ARHGAP44: variants seen among roughly 807,000 people sequenced by gnomAD.
ARHGAP44 encodes rho GTPase-activating protein 44.
ARHGAP44 carries 43 observed loss-of-function variants against 106.8 expected under a neutral mutation model. That is an observed-to-expected ratio of 0.40 (90% confidence interval 0.32 to 0.52). The LOEUF (loss-of-function observed/expected upper bound fraction) is 0.52, where lower values mean the gene tolerates loss of function less well. Ranked by LOEUF, ARHGAP44 falls within the 20% of genes least tolerant of loss-of-function variation. The probability of loss-of-function intolerance (pLI) is 0.48; values close to 1 mark genes in which losing one functional copy is unlikely to be tolerated. For synonymous variants in ARHGAP44, 439 were observed against 410.3 expected, an observed-to-expected ratio of 1.07 and a Z score of -0.85; for missense variants, 866 against 1,050.5, an observed-to-expected ratio of 0.82 and a Z score of 2.43.
intron 1 of ARHGAP44, among the ~76,000 whole-genome samples, chr17:12,860,297 A>G (rs1018756680): frequency 1.3e-5 from 2 of 152,212 alleles, no homozygotes; most frequent in African/African-American, 4.8e-5. Context: ...AGAATTCCTT[A>G]TAAGGTCAAC....
At chr17:12,889,620 A>G (rs971715237) in intron 1 of ARHGAP44, among the ~76,000 whole-genome samples, 5 of 152,168 alleles carry the variant, frequency 3.3e-5, no homozygotes, top group East Asian at 1.9e-4. Context: ...CTGACCCCCA[A>G]AATTCATGTC....
Position 12,947,888 on chromosome 17 carries a change from A to T in ARHGAP44, c.862-1252A>T, listed in dbSNP as rs181881838. Among the ~76,000 whole-genome samples, 17 of 152,322 alleles carry T rather than the reference A, an allele frequency of 1.1e-4. No individual in the cohort carries two copies. In the East Asian group the frequency reaches 3.3e-3, roughly 29 times the overall value. ...CATATATGCCCAAAGAGCTTTGCAC[A>T]TGTGTGTATCTGATGTACCCTATAT... On this transcript the variant is annotated intron_variant, in intron 10 of 20. Coordinates refer to ENST00000379672, the MANE Select transcript of ARHGAP44 (RefSeq NM_014859.6).
At position 12,940,336 on chromosome 17, in the gene ARHGAP44, G is replaced by A. The variant is rs8068230; in HGVS notation, c.583-720G>A. 7.8e-3 allele frequency among the ~76,000 whole-genome samples: 1,186 copies of A among 152,326 alleles called. 18 individuals are homozygous for A. Among genetic ancestry groups the A allele is most frequent in the African/African-American group, 0.027 (1,120 of 41,582 alleles). ...ACAGAGTCTACATTCTGCTCAAAATGTACTTCTATTATGCCAGGCTATGAG... is the reference window on the plus strand; with the variant it reads ...ACAGAGTCTACATTCTGCTCAAAATATACTTCTATTATGCCAGGCTATGAG... On this transcript the variant is annotated intron_variant, in intron 7 of 20. Transcript: ENST00000379672.
In ARHGAP44 at chr17:12,984,526, T is replaced by G; in HGVS notation, c.1940-5T>G. On this transcript the variant is annotated splice_polypyrimidine_tract_variant and splice_region_variant and intron_variant, in intron 19 of 20. Coordinates refer to ENST00000379672, the MANE Select transcript of ARHGAP44 (RefSeq NM_014859.6). ...TTTGTTGTTGTGTTGTGTTTTCTCT[T>G]TCAGTTTCAAAGAAGCTGGCACCGA... The G allele has an allele frequency of 6.6e-7, 1 of 1,513,612 alleles. No individual in the cohort carries two copies. The highest frequency in any genetic ancestry group is 8.8e-7 in the Non-Finnish European group (1 of 1,135,800). 93.8% of individuals were successfully genotyped at this position (1,513,612 alleles called of 1,614,324 possible).
chr17:12,872,827 G>A (rs1597976805), intron 1 of ARHGAP44, among the ~76,000 whole-genome samples: 1 of 151,694 alleles, frequency 6.6e-6, no homozygotes, highest in South Asian at 2.1e-4. Context: ...CTTTTTTCAG[G>A]AACTTCAATC....
At chr17:12,814,862 A>G (rs191527508) in intron 1 of ARHGAP44, among the ~76,000 whole-genome samples, 1 of 152,196 alleles carries the variant, frequency 6.6e-6, no homozygotes, top group South Asian at 2.1e-4. Flanking sequence ...AAAAACCCCC[A>G]AAAAAGCAAA....
Position 12,952,722 on chromosome 17 carries a change from C to CT in ARHGAP44, c.1136+170dup, listed in dbSNP as rs201371135. On this transcript the variant is annotated intron_variant, in intron 13 of 20. Transcript: ENST00000379672. ...AAGGTATTATTAACATGCATGGTCT[C>CT]TTTTTTTTTTTTTTTTTTTTTTTTT... The CT allele has an allele frequency of 9.5e-3, 2,914 of 306,974 alleles. 98 individuals are homozygous for CT. Among genetic ancestry groups the CT allele is most frequent in the African/African-American group, 0.014 (551 of 38,104 alleles). The allele number at this position is 306,974 out of a possible 1,614,324, so 19.0% of individuals were successfully genotyped here. A position where few individuals can be genotyped will look rare whatever the true frequency, so the allele number is the denominator to read the frequency against.
intron 8 of ARHGAP44, among the ~76,000 whole-genome samples, chr17:12,943,243 C>G (rs191789958): frequency 2.3e-3 from 354 of 152,296 alleles, no homozygotes; most frequent in African/African-American, 7.8e-3. Flanking sequence ...TCCATTTCCA[C>G]TTGCTACAGT....
chr17:12,865,774 G>T (rs1314102174), intron 1 of ARHGAP44, among the ~76,000 whole-genome samples: 1 of 145,106 alleles, frequency 6.9e-6, no homozygotes, highest in Non-Finnish European at 1.5e-5. Context: ...GGGCAACAGA[G>T]CGAGACTCAT....
intron 1 of ARHGAP44, among the ~76,000 whole-genome samples, chr17:12,843,651 CTTTTTTTTTT>C (rs146749216): frequency 2.1e-5 from 2 of 97,124 alleles, no homozygotes; most frequent in Admixed American, 1.1e-4. Context: ...GTATTGGTTA[CTTTTTTTTTT>C]TTTTTTTTTT....
chr17:12,976,895 C>T (rs532945475), intron 18 of ARHGAP44, among the ~76,000 whole-genome samples: 7 of 152,230 alleles, frequency 4.6e-5, no homozygotes, highest in Admixed American at 2.0e-4. Context: ...GACCCACAGG[C>T]GGGAGATGGG....
intron 1 of ARHGAP44, among the ~76,000 whole-genome samples, chr17:12,816,428 A>G (rs550790711): frequency 1.3e-5 from 2 of 152,336 alleles, no homozygotes; most frequent in East Asian, 1.9e-4. Flanking sequence ...GAGGAATTAT[A>G]TTAGGGTAGG....
chr17:12,927,335 G>A (rs2038276903), intron 6 of ARHGAP44, among the ~76,000 whole-genome samples: 1 of 152,128 alleles, frequency 6.6e-6, no homozygotes. Flanking sequence ...TCCATTTCTT[G>A]TATTATAGAG....
chr17:12,800,812 C>T lies in ARHGAP44; in HGVS notation c.53+10921C>T, dbSNP rs541078529. On this transcript the variant is annotated intron_variant, in intron 1 of 20. Coordinates refer to ENST00000379672, the MANE Select transcript of ARHGAP44 (RefSeq NM_014859.6). ...TGAACCAGGGCCTAAGTAGGTCAGTCGTAGGCAAATGCCTCTCCTGCTTCT... is the reference window on the plus strand; with the variant it reads ...TGAACCAGGGCCTAAGTAGGTCAGTTGTAGGCAAATGCCTCTCCTGCTTCT... Among the ~76,000 whole-genome samples the T allele has an allele frequency of 3.3e-5, 5 of 152,310 alleles. No individual in the cohort carries two copies. In the South Asian group the frequency reaches 6.2e-4, roughly 19 times the overall value.
rs548368343 is a variant in ARHGAP44 at position 12,958,262 on chromosome 17, T to A, written c.1343-455T>A. Among the ~76,000 whole-genome samples the A allele has an allele frequency of 1.5e-4, 23 of 152,336 alleles. No homozygotes were observed. Among genetic ancestry groups the A allele is most frequent in the Admixed American group, 3.9e-4 (6 of 15,302 alleles). On this transcript the variant is annotated intron_variant, in intron 15 of 20. Transcript: ENST00000379672. This position sits in a 1 kb window ranked among gnomAD's most constrained non-coding sequence, Gnocchi z 4.1. ...TCTCTATGGTTTTCCAGAAAGGCAG[T>A]GTCATCATCTATAAATATTAATATT...
intron 7 of ARHGAP44, among the ~76,000 whole-genome samples, chr17:12,936,088 CAA>C (rs2038539360): frequency 6.6e-6 from 1 of 152,106 alleles, no homozygotes; most frequent in Non-Finnish European, 1.5e-5. Context: ...AAGTGGAATA[CAA>C]AGAGGCCTCC....
At chr17:12,839,566 A>G (rs1308485783) in intron 1 of ARHGAP44, among the ~76,000 whole-genome samples, 2 of 152,056 alleles carry the variant, frequency 1.3e-5, no homozygotes, top group East Asian at 1.9e-4. Context: ...ACTTGCTGGG[A>G]ATTATTTGTA....
chr17:12,837,453 T>C (rs2035268517), intron 1 of ARHGAP44, among the ~76,000 whole-genome samples: 1 of 152,150 alleles, frequency 6.6e-6, no homozygotes, highest in South Asian at 2.1e-4. Context: ...AACATATAGT[T>C]GATTGGCATG....
intron 1 of ARHGAP44, among the ~76,000 whole-genome samples, chr17:12,805,255 T>A (rs796408148): frequency 7.2e-5 from 11 of 152,334 alleles, no homozygotes; most frequent in African/African-American, 2.4e-4. Context: ...GGTTCTGTTT[T>A]CCTGACTCTA....
Sources: gnomAD v4.1 joint callset for allele counts (sites outside exome capture counted in the v4.1 genomes callset) on GRCh38, gnomAD v4.1.1 for gene constraint, Gnocchi (gnomAD v3.1) non-coding constraint, MANE v1.5 for transcripts, NCBI Gene and HGNC (gene_info 2026-07-23, HGNC 2026-07-21) for gene names.